Variants in SMAP1 observed in about 807,000 individuals in gnomAD.
The protein encoded by SMAP1 is stromal membrane-associated protein 1.
Under a neutral mutation model 58.5 loss-of-function variants are expected in SMAP1, and 24 were observed. The observed-to-expected ratio is 0.41, with a 90% CI of 0.30 to 0.58. The LOEUF is 0.58. SMAP1 is among the 20% of genes least tolerant of loss of function. The pLI, the probability that SMAP1 is intolerant of heterozygous loss-of-function variation, is 0.29. For missense variants in SMAP1, 563 were observed against 566.3 expected, an observed-to-expected ratio of 0.99 and a Z score of 0.06; for synonymous variants, 216 against 196.6, an observed-to-expected ratio of 1.10 and a Z score of -0.82.
intron 1 of SMAP1, among the ~76,000 whole-genome samples, chr6:70,707,099 T>G (rs150483499): frequency 6.6e-6 from 1 of 152,330 alleles, no homozygotes; most frequent in East Asian, 1.9e-4. Flanking sequence ...TCTTGTTATA[T>G]GTTAGTTTTA....
chr6:70,759,887 C>T (rs1766677489), intron 3 of SMAP1: 2 of 448,350 alleles, frequency 4.5e-6, no homozygotes, highest in Non-Finnish European at 9.0e-6. Context: ...AAGTGTTTGC[C>T]CTATGCCAAG....
At chr6:70,687,604 A>G (rs528776998) in intron 1 of SMAP1, among the ~76,000 whole-genome samples, 21 of 152,280 alleles carry the variant, frequency 1.4e-4, no homozygotes, top group African/African-American at 4.6e-4. Flanking sequence ...AAGGAAAGCT[A>G]TGAATCAAAA....
chr6:70,856,938 C>T lies in SMAP1; in HGVS notation c.869C>T (p.Thr290Ile). Residue 290 changes from threonine to isoleucine, a missense_variant, in exon 9 of 11, where the codon ACA becomes ATA. By Grantham distance (89) the Thr-to-Ile change is moderately conservative. Transcript: ENST00000370455. ...CTAGATTTATTCACTGAGCAAACTA[C>T]AAAATCAGAAGAAGTGGCAAAGAAA... ...GDLDLFTEQTTKSEEVAKKQL... is the reference protein window; with the variant it reads ...GDLDLFTEQTIKSEEVAKKQL... 6.2e-7 allele frequency: 1 copy of T among 1,613,952 alleles called. No homozygotes were observed. The highest frequency in any genetic ancestry group is 1.7e-5 in the Admixed American group (1 of 60,012).
At chr6:70,726,877 GTGTGT>G (rs1562117583) in intron 1 of SMAP1, among the ~76,000 whole-genome samples, 5 of 17,028 alleles carry the variant, frequency 2.9e-4, no homozygotes, top group East Asian at 4.5e-3. Flanking sequence ...TTTTAGGGGT[GTGTGT>G]GTGTGTGTGT....
At chr6:70,778,294 A>T (rs1767625587) in intron 4 of SMAP1, among the ~76,000 whole-genome samples, 1 of 152,158 alleles carries the variant, frequency 6.6e-6, no homozygotes, top group South Asian at 2.1e-4. Flanking sequence ...TTCTGTTCTT[A>T]GAAGAGAAGT....
At chr6:70,759,834 TATA>T in intron 3 of SMAP1, 1 of 445,940 alleles carries the variant, frequency 2.2e-6, no homozygotes, top group South Asian at 1.6e-5. Flanking sequence ...ACAGTGAAGA[TATA>T]ATACTGGAAA....
intron 3 of SMAP1, among the ~76,000 whole-genome samples, chr6:70,769,217 T>G (rs1389835339): frequency 6.6e-6 from 1 of 152,134 alleles, no homozygotes; most frequent in Non-Finnish European, 1.5e-5. Context: ...CTGAAAAAAA[T>G]GTATATTCTG....
At chr6:70,798,181 T>TA (rs1005696754) in intron 5 of SMAP1, among the ~76,000 whole-genome samples, 7 of 151,852 alleles carry the variant, frequency 4.6e-5, no homozygotes, top group Admixed American at 1.3e-4. Context: ...TATTTTGTGA[T>TA]AAAAAAAGCT....
chr6:70,771,274 C>T (rs920579718), intron 3 of SMAP1, among the ~76,000 whole-genome samples: 1 of 152,242 alleles, frequency 6.6e-6, no homozygotes, highest in African/African-American at 2.4e-5. Flanking sequence ...CCACTGTTCT[C>T]TTCAAAGCTG....
At chr6:70,789,486 G>T (rs1236149233) in intron 4 of SMAP1, among the ~76,000 whole-genome samples, 3 of 151,304 alleles carry the variant, frequency 2.0e-5, no homozygotes, top group Non-Finnish European at 4.4e-5. Flanking sequence ...GATTTGTTAT[G>T]AATTCACCTG....
At chr6:70,730,501 G>A (rs1765388791) in intron 1 of SMAP1, among the ~76,000 whole-genome samples, 1 of 152,230 alleles carries the variant, frequency 6.6e-6, no homozygotes, top group Admixed American at 6.5e-5. Flanking sequence ...TGTTAGAAAT[G>A]ATGAGACAGA....
At chr6:70,785,727 A>G (rs1289406708) in intron 4 of SMAP1, among the ~76,000 whole-genome samples, 4 of 152,242 alleles carry the variant, frequency 2.6e-5, no homozygotes, top group South Asian at 4.1e-4. Flanking sequence ...TCCTCGACAC[A>G]TACACCCTCC....
chr6:70,851,194 T>A (rs757237056), intron 7 of SMAP1, among the ~76,000 whole-genome samples: 1 of 152,204 alleles, frequency 6.6e-6, no homozygotes, highest in Non-Finnish European at 1.5e-5. Context: ...CTTTACACAC[T>A]CTTTTGTAAA....
intron 7 of SMAP1, among the ~76,000 whole-genome samples, chr6:70,846,625 G>A (rs927284102): frequency 1.3e-5 from 2 of 152,202 alleles, no homozygotes; most frequent in Non-Finnish European, 2.9e-5. Context: ...TGCAGTGGAG[G>A]TGGTGCTGGG....
intron 1 of SMAP1, among the ~76,000 whole-genome samples, chr6:70,707,688 CT>C (rs1767893580): frequency 6.6e-6 from 1 of 152,142 alleles, no homozygotes; most frequent in African/African-American, 2.4e-5. Flanking sequence ...TCACTGCAAC[CT>C]CCACCTCCTG....
chr6:70,808,297 A>G (rs971044285), intron 6 of SMAP1, among the ~76,000 whole-genome samples: 2 of 152,244 alleles, frequency 1.3e-5, no homozygotes, highest in African/African-American at 4.8e-5. Context: ...TGTAGGAATC[A>G]GCAAACTTTT....
rs1768061187 is a variant in SMAP1 at position 70,786,868 on chromosome 6, A to G, written c.415-4821A>G. On this transcript the variant is annotated intron_variant, in intron 4 of 10. Transcript: ENST00000370455. Reference sequence around the variant, plus strand: ...AAGAATCAATATCATGAAAATGGCCATACTGCCCAAGGTAATTTATAGAGT... The same window carrying G: ...AAGAATCAATATCATGAAAATGGCCGTACTGCCCAAGGTAATTTATAGAGT... Among the ~76,000 whole-genome samples, 7 of 152,322 alleles carry G rather than the reference A, an allele frequency of 4.6e-5. No individual in the cohort carries two copies. The South Asian group carries it at 1.5e-3, about 32-fold the overall frequency.
At chr6:70,843,576 C>G (rs562221039) in intron 7 of SMAP1, among the ~76,000 whole-genome samples, 34 of 152,254 alleles carry the variant, frequency 2.2e-4, no homozygotes, top group Admixed American at 9.2e-4. Flanking sequence ...GACTTCGGGG[C>G]TCAGATTCTT....
At chr6:70,714,623 C>A (rs1768189078) in intron 1 of SMAP1, among the ~76,000 whole-genome samples, 1 of 151,992 alleles carries the variant, frequency 6.6e-6, no homozygotes, top group Non-Finnish European at 1.5e-5. Flanking sequence ...TAACTTCACA[C>A]CACTGTTATA....
Sources: gnomAD v4.1 joint callset for allele counts (sites outside exome capture counted in the v4.1 genomes callset) on GRCh38, gnomAD v4.1.1 for gene constraint, MANE v1.5 for transcripts, NCBI Gene and HGNC (gene_info 2026-07-23, HGNC 2026-07-21) for gene names.